USP12: variants seen among roughly 807,000 people sequenced by gnomAD.
The protein encoded by USP12 is ubiquitin specific peptidase 12.
USP12 carries 19 observed loss-of-function variants against 45.5 expected under a neutral mutation model. That is an observed-to-expected ratio of 0.42 (90% CI 0.29 to 0.61). USP12 has a LOEUF of 0.61. Among genes scored for constraint, USP12 ranks in the 20% least tolerant of loss-of-function variants. The pLI is 0.22. For synonymous variants in USP12, 149 were observed against 148.8 expected (o/e 1.00, Z -0.01); for missense variants, 242 against 447.7 (o/e 0.54, Z 4.15).
At chr13:27,163,768 TAAAAAAAAAA>T (rs34384911) in intron 1 of USP12, among the ~76,000 whole-genome samples, 27 of 83,296 alleles carry the variant, frequency 3.2e-4, no homozygotes, top group African/African-American at 1.2e-3. Flanking sequence ...AGACCTGTCT[TAAAAAAAAAA>T]AAAAAAAGAA....
At chr13:27,070,504 A>ATT (rs567394814) in intron 8 of USP12, among the ~76,000 whole-genome samples, 6 of 145,684 alleles carry the variant, frequency 4.1e-5, no homozygotes, top group Admixed American at 2.7e-4. Context: ...ACATGGCTTA[A>ATT]TTTTTTTTTT....
At chr13:27,090,324 T>C (rs1445376138) in intron 4 of USP12, among the ~76,000 whole-genome samples, 166 bp from the exon 5 acceptor site, 3 of 152,166 alleles carry the variant, frequency 2.0e-5, no homozygotes, top group African/African-American at 7.2e-5. Flanking sequence ...GGACACTGAA[T>C]AAATAACCCC....
chr13:27,155,229 G>A (rs754761802), intron 1 of USP12, among the ~76,000 whole-genome samples: 4 of 151,576 alleles, frequency 2.6e-5, no homozygotes, highest in East Asian at 3.9e-4. Context: ...CTACAGGCGC[G>A]TGCCACCATG....
intron 2 of USP12, among the ~76,000 whole-genome samples, chr13:27,114,306 CTAAAA>C (rs1404261533): frequency 6.6e-6 from 1 of 152,162 alleles, no homozygotes. Flanking sequence ...ATCAGCTCTA[CTAAAA>C]TAAGTACTAA....
intron 3 of USP12, among the ~76,000 whole-genome samples, chr13:27,102,533 T>C (rs1593184867): frequency 6.6e-6 from 1 of 152,236 alleles, no homozygotes; most frequent in East Asian, 1.9e-4. Context: ...TATTCCACTC[T>C]TGCCATGCTA....
At chr13:27,104,007 T>G (rs987220886) in intron 3 of USP12, among the ~76,000 whole-genome samples, 8 of 152,110 alleles carry the variant, frequency 5.3e-5, no homozygotes, top group Admixed American at 3.9e-4. Context: ...AGGGAAATAA[T>G]GTATGCTCTG....
intron 1 of USP12, among the ~76,000 whole-genome samples, chr13:27,147,548 A>G (rs1480592928): frequency 6.6e-6 from 1 of 152,240 alleles, no homozygotes; most frequent in Non-Finnish European, 1.5e-5. Context: ...CATGTAAAAA[A>G]GAAAAACAAA....
chr13:27,095,026 G>A (rs1026695767), intron 4 of USP12, among the ~76,000 whole-genome samples: 2 of 152,056 alleles, frequency 1.3e-5, no homozygotes, highest in Non-Finnish European at 2.9e-5. Flanking sequence ...GTGGTGGCAC[G>A]TGCTCGTGGT....
chr13:27,121,912 G>A (rs1468864775), intron 1 of USP12, among the ~76,000 whole-genome samples: 1 of 152,082 alleles, frequency 6.6e-6, no homozygotes, highest in African/African-American at 2.4e-5. Context: ...TAAAACAAAT[G>A]TCTCATATGT....
Position 27,171,790 on chromosome 13 carries a change from T to G in USP12, c.-151A>C. 1 of 260,674 alleles carries G rather than the reference T, an allele frequency of 3.8e-6. No individual in the cohort carries two copies. The highest frequency in any genetic ancestry group is 5.9e-6 in the Non-Finnish European group (1 of 168,544). The allele number at this position is 260,674 out of a possible 1,614,324, so 16.1% of individuals were successfully genotyped here. A position where few individuals can be genotyped will look rare whatever the true frequency, so the allele number is the denominator to read the frequency against. On this transcript the variant is annotated 5_prime_UTR_variant, in exon 1 of 9. Transcript: ENST00000282344. ...GCCCGCTGGGCCGCCGCTGCCGTCGTCGCCGCCGGCGCTCAGGCACTCCCG... is the reference window on the plus strand; with the variant it reads ...GCCCGCTGGGCCGCCGCTGCCGTCGGCGCCGCCGGCGCTCAGGCACTCCCG...
chr13:27,091,182 T>C (rs1033701873), intron 4 of USP12, among the ~76,000 whole-genome samples: 5 of 152,156 alleles, frequency 3.3e-5, no homozygotes, highest in African/African-American at 1.2e-4. Flanking sequence ...GGACATGATA[T>C]GTTTAAGGAA....
At chr13:27,150,889 T>C (rs977324588) in intron 1 of USP12, among the ~76,000 whole-genome samples, 4 of 152,040 alleles carry the variant, frequency 2.6e-5, no homozygotes, top group Non-Finnish European at 4.4e-5. Context: ...CCTCAAACCA[T>C]GTACAAAAAA....
intron 3 of USP12, among the ~76,000 whole-genome samples, chr13:27,096,201 A>G (rs1874573963): frequency 6.6e-6 from 1 of 152,232 alleles, no homozygotes; most frequent in Admixed American, 6.5e-5. Flanking sequence ...ACCATTTGCC[A>G]ATGCCAAGCC....
At chr13:27,120,172 T>C (rs1168768236) in intron 1 of USP12, among the ~76,000 whole-genome samples, 1 of 152,218 alleles carries the variant, frequency 6.6e-6, no homozygotes, top group Non-Finnish European at 1.5e-5. Flanking sequence ...GGCTGACAAA[T>C]TCTATTACAT....
Position 27,086,174 on chromosome 13 carries a change from TAAAA to T in USP12, c.734+3705_734+3708del, listed in dbSNP as rs138475761. Among the ~76,000 whole-genome samples, 569 of 72,302 alleles carry T rather than the reference TAAAA, an allele frequency of 7.9e-3. 5 individuals are homozygous for T. Among genetic ancestry groups the T allele is most frequent in the Middle Eastern group, 0.024 (2 of 84 alleles). 47.4% of individuals were successfully genotyped at this position (72,302 alleles called of 152,430 possible). A position where few individuals can be genotyped will look rare whatever the true frequency, so the allele number is the denominator to read the frequency against. On this transcript the variant is annotated intron_variant, in intron 6 of 8. Coordinates refer to ENST00000282344, the MANE Select transcript of USP12 (RefSeq NM_182488.4). ...GACAGAGAGAGATCTTTTGTCTCTT[TAAAA>T]AAAAAAAAAAAAAAAAAAAATATAT...
At chr13:27,168,240 C>T (rs1304919280) in intron 1 of USP12, among the ~76,000 whole-genome samples, 1 of 152,188 alleles carries the variant, frequency 6.6e-6, no homozygotes, top group Non-Finnish European at 1.5e-5. Context: ...ACTCTACCCA[C>T]CTCCTGCACC....
intron 1 of USP12, among the ~76,000 whole-genome samples, chr13:27,162,483 T>G (rs1261026031): frequency 6.6e-6 from 1 of 152,222 alleles, no homozygotes; most frequent in Non-Finnish European, 1.5e-5. Flanking sequence ...TTTTCCATTT[T>G]GTGAAAATGG....
chr13:27,106,143 A>G lies in USP12; in HGVS notation c.130-199T>C, dbSNP rs550271284. 2.0e-5 allele frequency among the ~76,000 whole-genome samples: 3 copies of G among 150,438 alleles called. No homozygotes were observed. In the East Asian group the frequency reaches 5.8e-4, roughly 29 times the overall value. ...AATCACAAAAGTAAAGTTTTCTATC[A>G]GGTTCTTAGGTACATCCAAATTAAA... On this transcript the variant is annotated intron_variant, in intron 2 of 8. Transcript: ENST00000282344.
At chr13:27,133,243 A>C (rs1287665326) in intron 1 of USP12, among the ~76,000 whole-genome samples, 1 of 151,624 alleles carries the variant, frequency 6.6e-6, no homozygotes, top group Non-Finnish European at 1.5e-5. Flanking sequence ...CACCACACTC[A>C]CATGACATCT....
Sources: allele counts gnomAD v4.1 joint callset (sites outside exome capture counted in the v4.1 genomes callset), GRCh38; gene constraint gnomAD v4.1.1; transcripts MANE v1.5; gene names NCBI Gene and HGNC (gene_info 2026-07-23, HGNC 2026-07-21).